Variants in SPAG16 observed in about 807,000 individuals in gnomAD.
The protein encoded by SPAG16 is sperm associated antigen 16.
In SPAG16, 86 loss-of-function variants were observed where a neutral mutation model predicts 80.4. The observed-to-expected ratio is 1.07, with a 90% CI of 0.90 to 1.28. The LOEUF (loss-of-function observed/expected upper bound fraction) is 1.28. Ranked by LOEUF, SPAG16 falls within the 50% of genes most tolerant of loss-of-function variation. SPAG16 has a pLI of 0.00. For missense variants in SPAG16, 870 were observed against 765.3 expected (o/e 1.14, Z -1.61); for synonymous variants, 294 against 265.9 (o/e 1.11, Z -1.03).
At chr2:214,175,444 C>T (rs1389506396) in intron 15 of SPAG16, among the ~76,000 whole-genome samples, 1 of 150,812 alleles carries the variant, frequency 6.6e-6, no homozygotes, top group Non-Finnish European at 1.5e-5. Flanking sequence ...GATGAGATGG[C>T]TCTAGCCACT....
At chr2:213,629,601 C>T (rs569152050) in intron 10 of SPAG16, among the ~76,000 whole-genome samples, 3 of 152,204 alleles carry the variant, frequency 2.0e-5, no homozygotes, top group Non-Finnish European at 4.4e-5. Context: ...AATTTGCACT[C>T]ATGCTTCCTC....
intron 15 of SPAG16, among the ~76,000 whole-genome samples, chr2:214,339,322 A>AATCAACCAGG (rs1471541625): frequency 6.6e-6 from 1 of 152,206 alleles, no homozygotes; most frequent in African/African-American, 2.4e-5. Context: ...GTTGGTCTAT[A>AATCAACCAGG]ATCAACCAGG....
intron 12 of SPAG16, among the ~76,000 whole-genome samples, chr2:214,010,709 A>G (rs1048159526): frequency 1.4e-5 from 2 of 146,686 alleles, no homozygotes; most frequent in Non-Finnish European, 3.0e-5. Context: ...ATTAAACTGT[A>G]TAAAAGTATG....
At chr2:213,628,527 A>C (rs2062036060) in intron 10 of SPAG16, among the ~76,000 whole-genome samples, 1 of 152,250 alleles carries the variant, frequency 6.6e-6, no homozygotes, top group Non-Finnish European at 1.5e-5. Flanking sequence ...AATTTGGACA[A>C]GAAATTATTA....
chr2:213,952,859 T>C (rs965114787), intron 12 of SPAG16, among the ~76,000 whole-genome samples: 1 of 152,110 alleles, frequency 6.6e-6, no homozygotes, highest in African/African-American at 2.4e-5. Flanking sequence ...AAGACAAAGT[T>C]AGCTGTAGCT....
chr2:213,377,347 C>A (rs1485678305), intron 9 of SPAG16, among the ~76,000 whole-genome samples: 1 of 152,158 alleles, frequency 6.6e-6, no homozygotes, highest in Non-Finnish European at 1.5e-5. Context: ...ATTTATGTGA[C>A]CTACTGACTC....
Position 213,342,324 on chromosome 2 carries a change from T to A in SPAG16, c.644+2054T>A, listed in dbSNP as rs150877401. Among the ~76,000 whole-genome samples, 113 of 104,676 alleles carry A rather than the reference T, an allele frequency of 1.1e-3. 1 individual carries two copies. Among genetic ancestry groups the A allele is most frequent in the African/African-American group, 3.1e-3 (99 of 32,276 alleles). 68.7% of individuals were successfully genotyped at this position (104,676 alleles called of 152,430 possible). ...CATATGTGTATATATATGTTACATA[T>A]ATGTGTATATATATATTACATATAT... On this transcript the variant is annotated intron_variant, in intron 6 of 15. Transcript: ENST00000331683.
intron 15 of SPAG16, among the ~76,000 whole-genome samples, chr2:214,409,849 A>C (rs1326500476): frequency 6.6e-6 from 1 of 152,244 alleles, no homozygotes; most frequent in South Asian, 2.1e-4. Flanking sequence ...ATGCTTTATT[A>C]ATCACAAATA....
intron 10 of SPAG16, among the ~76,000 whole-genome samples, chr2:213,831,034 C>CTTTTTTTT (rs34523016): frequency 1.2e-5 from 1 of 80,816 alleles, no homozygotes; most frequent in African/African-American, 4.5e-5. Flanking sequence ...TGAAACATGA[C>CTTTTTTTT]TTTTTTTTTT....
chr2:213,700,025 C>A (rs1439009026), intron 10 of SPAG16, among the ~76,000 whole-genome samples: 1 of 152,136 alleles, frequency 6.6e-6, no homozygotes, highest in African/African-American at 2.4e-5. Context: ...GGCTATGATT[C>A]CAACATATCT....
chr2:213,398,509 A>G (rs758928817), intron 9 of SPAG16, among the ~76,000 whole-genome samples: 6 of 152,174 alleles, frequency 3.9e-5, no homozygotes, highest in Non-Finnish European at 7.4e-5. Context: ...CACTGTAGGT[A>G]TGCCCCACCT....
In SPAG16 at chr2:213,507,211, T is replaced by C. The variant is rs1179977858; in HGVS notation, c.1070+17121T>C. On this transcript the variant is annotated intron_variant, in intron 10 of 15. Coordinates refer to ENST00000331683, the MANE Select transcript of SPAG16 (RefSeq NM_024532.5). The stretch of plus-strand genomic sequence containing the variant: ...TCCTTTAAAAAATGCCTGGGTATTA[T>C]TACCAGAAAGAAAGGGAATGATGCT... 2.0e-5 allele frequency among the ~76,000 whole-genome samples: 3 copies of C among 152,202 alleles called. No homozygotes were observed. In the South Asian group the frequency reaches 6.2e-4, roughly 32 times the overall value.
intron 15 of SPAG16, among the ~76,000 whole-genome samples, chr2:214,271,850 C>CG (rs918481997): frequency 2.8e-5 from 4 of 144,416 alleles, no homozygotes; most frequent in Admixed American, 1.4e-4. Context: ...AAACCCCCCC[C>CG]CCAAAAAAAA....
At chr2:214,057,285 A>G (rs1205811600) in intron 13 of SPAG16, among the ~76,000 whole-genome samples, 1 of 152,016 alleles carries the variant, frequency 6.6e-6, no homozygotes, top group African/African-American at 2.4e-5. Flanking sequence ...TAAAAGTCAA[A>G]ATTGCTTCTT....
chr2:213,345,986 C>T lies in SPAG16; in HGVS notation c.645-4542C>T, dbSNP rs551109354. On this transcript the variant is annotated intron_variant, in intron 6 of 15. Coordinates refer to ENST00000331683, the MANE Select transcript of SPAG16 (RefSeq NM_024532.5). ...TTACCTTGGGCAGTATGGCCATTTT[C>T]ACGATATTGATTCTTCCTACCCATG... 8.5e-5 allele frequency among the ~76,000 whole-genome samples: 13 copies of T among 152,278 alleles called. No individual in the cohort carries two copies. In the South Asian group the frequency reaches 2.7e-3, roughly 32 times the overall value.
intron 12 of SPAG16, among the ~76,000 whole-genome samples, chr2:213,944,855 GAAA>G (rs1418467732): frequency 6.6e-6 from 1 of 152,014 alleles, no homozygotes; most frequent in Non-Finnish European, 1.5e-5. Context: ...ATGAGATGGC[GAAA>G]CCCCGTGTCT....
chr2:214,038,670 C>A (rs569071494), intron 13 of SPAG16, among the ~76,000 whole-genome samples: 1 of 151,858 alleles, frequency 6.6e-6, no homozygotes, highest in South Asian at 2.1e-4. Flanking sequence ...TTAGGTATAT[C>A]TCCAAATGCT....
chr2:213,884,419 G>T (rs2076474800), intron 11 of SPAG16, among the ~76,000 whole-genome samples: 1 of 152,114 alleles, frequency 6.6e-6, no homozygotes, highest in South Asian at 2.1e-4. Context: ...CTCTCTAGCT[G>T]CCTTTAAGAT....
chr2:213,426,895 T>C (rs1448081145), intron 9 of SPAG16, among the ~76,000 whole-genome samples: 2 of 149,004 alleles, frequency 1.3e-5, no homozygotes, highest in Non-Finnish European at 3.0e-5. Context: ...GGCTACACTC[T>C]ATAGGATCCT....
Sources: allele counts gnomAD v4.1 joint callset (sites outside exome capture counted in the v4.1 genomes callset), GRCh38; gene constraint gnomAD v4.1.1; transcripts MANE v1.5; gene names NCBI Gene and HGNC (gene_info 2026-07-23, HGNC 2026-07-21).